Variants in ALDH2 observed in about 807,000 individuals in gnomAD.
ALDH2 encodes aldehyde dehydrogenase, mitochondrial.
ALDH2 carries 44 observed loss-of-function variants against 59.6 expected under a neutral mutation model. The observed-to-expected ratio is 0.74, with a 90% CI of 0.58 to 0.95. The LOEUF (loss-of-function observed/expected upper bound fraction) is 0.95, where lower values mean the gene tolerates loss of function less well. ALDH2 is among the 40% of genes least tolerant of loss of function. The pLI is 0.00. For synonymous variants in ALDH2, 291 were observed against 284.0 expected (o/e 1.02, Z -0.25); for missense variants, 570 against 696.3 (o/e 0.82, Z 2.04).
intron 12 of ALDH2, among the ~76,000 whole-genome samples, chr12:111,806,560 C>T (rs1354794095): frequency 6.6e-6 from 1 of 152,178 alleles, no homozygotes; most frequent in Non-Finnish European, 1.5e-5. Flanking sequence ...CAGTGCCAAG[C>T]CTGAGACTGG....
intron 9 of ALDH2, among the ~76,000 whole-genome samples, chr12:111,794,109 C>T (rs992405081): frequency 4.0e-5 from 6 of 149,576 alleles, no homozygotes; most frequent in Non-Finnish European, 5.9e-5. Context: ...ACCTGTACCT[C>T]CTGGGTTCAA....
chr12:111,804,035 C>T lies in ALDH2; in HGVS notation c.1521+62C>T, dbSNP rs533526749. The T allele has an allele frequency of 5.8e-5, 62 of 1,073,354 alleles. No individual in the cohort carries two copies. The African/African-American group carries it at 8.4e-4, about 15-fold the overall frequency. 66.5% of individuals were successfully genotyped at this position (1,073,354 alleles called of 1,614,324 possible). On this transcript the variant is annotated intron_variant, in intron 12 of 12. Transcript: ENST00000261733. Reference sequence around the variant, plus strand: ...GGGGCTTGAGGGTCTGCTGGTGGCTCGGAGCCTGCTGGGGGATTGGGGTCT... The same window carrying T: ...GGGGCTTGAGGGTCTGCTGGTGGCTTGGAGCCTGCTGGGGGATTGGGGTCT...
intron 1 of ALDH2, among the ~76,000 whole-genome samples, chr12:111,776,308 C>G (rs1314036538): frequency 1.3e-5 from 2 of 152,194 alleles, no homozygotes; most frequent in South Asian, 2.1e-4. Context: ...GCTGCAGGAT[C>G]TAGAACACTG....
chr12:111,815,246 C>T lies in ALDH2; in HGVS notation c.*5671C>T, dbSNP rs1050453838. 2.6e-5 allele frequency: 4 copies of T among 152,086 alleles called. No individual in the cohort carries two copies. Among genetic ancestry groups the T allele is most frequent in the African/African-American group, 7.2e-5 (3 of 41,406 alleles). The allele number at this position is 152,086 out of a possible 1,614,324, so 9.4% of individuals were successfully genotyped here. A position where few individuals can be genotyped will look rare whatever the true frequency, so the allele number is the denominator to read the frequency against. On this transcript the variant is annotated 3_prime_UTR_variant, in exon 13 of 13. Coordinates refer to ENST00000261733, the MANE Select transcript of ALDH2 (RefSeq NM_000690.4). ...ATTTTTTAATGACAGGGTCTAACTC[C>T]GTCGTCCAGGCTGGAGTGCAGTGGT... is the stretch of plus-strand genomic sequence containing the variant.
intron 1 of ALDH2, among the ~76,000 whole-genome samples, chr12:111,775,185 G>A (rs2068226105): frequency 6.6e-6 from 1 of 152,214 alleles, no homozygotes; most frequent in Non-Finnish European, 1.5e-5. Context: ...GGACACGGCA[G>A]TGTCCCGGTT....
In ALDH2 at chr12:111,810,631, A is replaced by T. The variant is rs1289007850; in HGVS notation, c.*1056A>T. The T allele has an allele frequency of 1.4e-5, 2 of 147,474 alleles. No individual in the cohort carries two copies. The highest frequency in any genetic ancestry group is 4.0e-4 in the East Asian group (2 of 4,990). 9.1% of individuals were successfully genotyped at this position (147,474 alleles called of 1,614,324 possible). Reference sequence around the variant, plus strand: ...TTTTTTTTTTTTTTTTTTTTGAGACAGGGTCTTGCTCTGCCATCCAGGCTG... The same window carrying T: ...TTTTTTTTTTTTTTTTTTTTGAGACTGGGTCTTGCTCTGCCATCCAGGCTG... On this transcript the variant is annotated 3_prime_UTR_variant, in exon 13 of 13. Coordinates refer to ENST00000261733, the MANE Select transcript of ALDH2 (RefSeq NM_000690.4).
chr12:111,794,013 G>A (rs1242616576), intron 9 of ALDH2, among the ~76,000 whole-genome samples: 1 of 138,040 alleles, frequency 7.2e-6, no homozygotes, highest in Non-Finnish European at 1.6e-5. Context: ...GGCAACCACT[G>A]ATTTTTTTTT....
At chr12:111,791,983 C>G in intron 7 of ALDH2, 78 bp from the exon 8 acceptor site, 1 of 881,168 alleles carries the variant, frequency 1.1e-6, no homozygotes, top group East Asian at 2.4e-5. Context: ...CTGTGGGGGA[C>G]TCTGTTCTGT....
chr12:111,791,794 T>A (rs963577960), intron 7 of ALDH2, among the ~76,000 whole-genome samples: 1 of 152,024 alleles, frequency 6.6e-6, no homozygotes, highest in African/African-American at 2.4e-5. Context: ...CCCAGCTACT[T>A]GGAAGGCCGA....
At chr12:111,803,800 C>T in intron 11 of ALDH2, 59 bp from the exon 12 acceptor site, 1 of 1,254,086 alleles carries the variant, frequency 8.0e-7, no homozygotes, top group South Asian at 1.6e-5. Flanking sequence ...ACAGGGGGTC[C>T]TGGGAGTGTA....
At chr12:111,808,667 T>C (rs929919660) in intron 12 of ALDH2, among the ~76,000 whole-genome samples, 2 of 151,942 alleles carry the variant, frequency 1.3e-5, no homozygotes, top group Non-Finnish European at 2.9e-5. Context: ...ATTGCGCCAC[T>C]GCACTCCAGC....
chr12:111,796,657 C>T (rs907644893), intron 9 of ALDH2, among the ~76,000 whole-genome samples: 1 of 152,078 alleles, frequency 6.6e-6, no homozygotes, highest in African/African-American at 2.4e-5. Context: ...AGTCCTAACA[C>T]TTGGGAGGGA....
chr12:111,792,248 C>T, intron 8 of ALDH2, 85 bp downstream of exon 8: 1 of 1,080,328 alleles, frequency 9.3e-7, no homozygotes. Flanking sequence ...GTCGCCCCCC[C>T]AGTGCCCAAT....
intron 12 of ALDH2, among the ~76,000 whole-genome samples, chr12:111,807,967 C>G (rs1013716011): frequency 1.1e-4 from 16 of 151,672 alleles, no homozygotes; most frequent in Non-Finnish European, 1.5e-5. Flanking sequence ...ACCTCCGCCT[C>G]CCGGGCTCAA....
chr12:111,777,639 C>T (rs1033225661), intron 1 of ALDH2, among the ~76,000 whole-genome samples: 5 of 152,136 alleles, frequency 3.3e-5, no homozygotes, highest in Non-Finnish European at 7.3e-5. Flanking sequence ...CAGGCAGACC[C>T]GGGAACTCCC....
intron 12 of ALDH2, among the ~76,000 whole-genome samples, chr12:111,806,677 A>G (rs189047978): frequency 3.3e-5 from 5 of 152,304 alleles, no homozygotes; most frequent in African/African-American, 1.2e-4. Context: ...GAATAGGTAT[A>G]ATGGTAGAAT....
intron 11 of ALDH2, among the ~76,000 whole-genome samples, chr12:111,802,810 G>A (rs2068464420): frequency 4.0e-5 from 6 of 150,582 alleles, no homozygotes; most frequent in Admixed American, 2.7e-4. Flanking sequence ...AACCTGGGAG[G>A]CGGAGCTTGC....
intron 9 of ALDH2, among the ~76,000 whole-genome samples, chr12:111,797,063 G>A (rs1299036285): frequency 6.6e-6 from 1 of 151,390 alleles, no homozygotes; most frequent in South Asian, 2.1e-4. Context: ...TGGTTCAAGC[G>A]ATTCTCCTGC....
Position 111,789,048 on chromosome 12 carries a change from C to T in ALDH2, c.441-775C>T, listed in dbSNP as rs1285830261. Reference sequence around the variant, plus strand: ...TTTTTTTTTTTTTGAGACAGAGTCTCGCTCTGTTGCCCAGGCTGGAGTACA... The same window carrying T: ...TTTTTTTTTTTTTGAGACAGAGTCTTGCTCTGTTGCCCAGGCTGGAGTACA... On this transcript the variant is annotated intron_variant, in intron 4 of 12. Coordinates refer to ENST00000261733, the MANE Select transcript of ALDH2 (RefSeq NM_000690.4). 1.4e-3 allele frequency among the ~76,000 whole-genome samples: 195 copies of T among 140,832 alleles called. 1 individual carries two copies. Among genetic ancestry groups the T allele is most frequent in the Non-Finnish European group, 2.5e-3 (161 of 65,348 alleles). 92.4% of individuals were successfully genotyped at this position (140,832 alleles called of 152,430 possible).
Sources: gnomAD v4.1 joint callset for allele counts (sites outside exome capture counted in the v4.1 genomes callset) on GRCh38, gnomAD v4.1.1 for gene constraint, MANE v1.5 for transcripts, NCBI Gene and HGNC (gene_info 2026-07-23, HGNC 2026-07-21) for gene names.